The following CCDC12 variants were observed in gnomAD, a reference collection of about 807,000 sequenced individuals.
The protein encoded by CCDC12 is coiled-coil domain containing 12.
Under a neutral mutation model 25.7 loss-of-function variants are expected in CCDC12, and 28 were observed. The observed-to-expected ratio is 1.09, with a 90% CI of 0.81 to 1.50. The LOEUF is 1.50. CCDC12 is among the 40% of genes most tolerant of loss of function. CCDC12 has a pLI of 0.00. For synonymous variants in CCDC12, 75 were observed against 87.7 expected (o/e 0.86, Z 0.81); for missense variants, 198 against 210.0 (o/e 0.94, Z 0.35).
chr3:46,939,555 C>G lies in CCDC12; in HGVS notation c.164+1443G>C, dbSNP rs189960298. ...CATAAAGCCACATATGTTGGGGTCA[C>G]CTGGCAAAGGAGCAACTAACTGGCC... On this transcript the variant is annotated intron_variant, in intron 2 of 6. Coordinates refer to ENST00000683445, the MANE Select transcript of CCDC12 (RefSeq NM_001277074.2). 1.6e-4 allele frequency among the ~76,000 whole-genome samples: 25 copies of G among 152,292 alleles called. No homozygotes were observed. The East Asian group carries it at 3.3e-3, about 20-fold the overall frequency.
chr3:46,964,255 C>T (rs2034566378), intron 1 of CCDC12, among the ~76,000 whole-genome samples: 1 of 151,942 alleles, frequency 6.6e-6, no homozygotes, highest in South Asian at 2.1e-4. Context: ...AGCCCCTCCG[C>T]CCGGCAGCCA....
At chr3:46,949,619 T>C (rs1290348688) in intron 1 of CCDC12, among the ~76,000 whole-genome samples, 1 of 152,130 alleles carries the variant, frequency 6.6e-6, no homozygotes, top group Non-Finnish European at 1.5e-5. Context: ...TGAGGCTCTG[T>C]CTCCTCCCCT....
upstream of CCDC12, chr3:46,977,186 T>G: frequency 6.2e-6 from 1 of 162,394 alleles, no homozygotes; most frequent in Non-Finnish European, 1.4e-5. Context: ...TCAAGAAACC[T>G]TCCCTGGGCC....
At chr3:46,952,025 C>T (rs1015341688) in intron 1 of CCDC12, among the ~76,000 whole-genome samples, 2 of 151,208 alleles carry the variant, frequency 1.3e-5, no homozygotes, top group African/African-American at 4.9e-5. Context: ...CCACTTTTAG[C>T]ACAAAGGTGT....
intron 1 of CCDC12, among the ~76,000 whole-genome samples, chr3:46,953,655 A>AG (rs2034197705): frequency 6.6e-6 from 1 of 151,958 alleles, no homozygotes. Flanking sequence ...TTGGAAAAAA[A>AG]AAAAAAAAAA....
chr3:46,951,218 T>G (rs1279492827), intron 1 of CCDC12, among the ~76,000 whole-genome samples: 1 of 149,180 alleles, frequency 6.7e-6, no homozygotes, highest in Non-Finnish European at 1.5e-5. Flanking sequence ...GAGGCTGGAG[T>G]TGCAGGAGAG....
chr3:46,923,625 C>T lies in CCDC12; in HGVS notation c.288G>A (p.Glu96=). The change falls in exon 4 of 7, where the codon GAG becomes GAA. Residue 96 remains glutamate, a synonymous_variant. Transcript: ENST00000683445. ...VKEQLEAAKP[E]PVIEEVDLAN... ...CACTCACCACCTCCTCGATGACGGG[C>T]TCGGGCTTGGCGGCCTCCAGCTGCT... The T allele has an allele frequency of 6.3e-7, 1 of 1,594,350 alleles. No individual in the cohort carries two copies. Among genetic ancestry groups the T allele is most frequent in the Middle Eastern group, 1.7e-4 (1 of 5,940 alleles).
At chr3:46,931,523 T>C (rs546549416) in intron 2 of CCDC12, among the ~76,000 whole-genome samples, 102 of 152,360 alleles carry the variant, frequency 6.7e-4, no homozygotes, top group Non-Finnish European at 1.1e-3. Context: ...TCACTCATGC[T>C]ACCAGGCTTA....
intron 2 of CCDC12, among the ~76,000 whole-genome samples, chr3:46,931,083 G>T (rs899547650): frequency 6.6e-6 from 1 of 152,246 alleles, no homozygotes; most frequent in East Asian, 1.9e-4. Context: ...TGGAAGCAAA[G>T]AAGTTGTGCC....
At chr3:46,923,745 C>T in intron 3 of CCDC12, 77 bp from the exon 4 acceptor site, 5 of 1,260,432 alleles carry the variant, frequency 4.0e-6, no homozygotes, top group Non-Finnish European at 5.3e-6. Context: ...TACCGTGGCC[C>T]CCAGGGAGAG....
chr3:46,935,945 T>C (rs1362446325), intron 2 of CCDC12, among the ~76,000 whole-genome samples: 1 of 152,172 alleles, frequency 6.6e-6, no homozygotes, highest in African/African-American at 2.4e-5. Flanking sequence ...AAGCTAACTA[T>C]AAAATGCATA....
chr3:46,925,613 T>C (rs572070759), intron 2 of CCDC12, 78 bp from the exon 3 acceptor site: 13 of 1,205,936 alleles, frequency 1.1e-5, no homozygotes, highest in African/African-American at 6.0e-5. Flanking sequence ...ACAATTTGCA[T>C]AGCCCGTGAA....
intron 1 of CCDC12, among the ~76,000 whole-genome samples, chr3:46,962,434 CAAAAAAAAAA>C (rs33969115): frequency 4.7e-5 from 3 of 63,180 alleles, no homozygotes; most frequent in African/African-American, 1.3e-4. Flanking sequence ...AACTCTATCT[CAAAAAAAAAA>C]AAAAAAAAAA....
At chr3:46,975,037 C>T (rs2034922081) in intron 1 of CCDC12, among the ~76,000 whole-genome samples, 1 of 152,228 alleles carries the variant, frequency 6.6e-6, no homozygotes, top group East Asian at 1.9e-4. Context: ...ATTCTTCTTC[C>T]TCTCCATTAC....
intron 1 of CCDC12, among the ~76,000 whole-genome samples, chr3:46,975,841 A>ATT (rs11356624): frequency 1.7e-4 from 12 of 70,370 alleles, no homozygotes; most frequent in African/African-American, 5.4e-4. Context: ...TTTATTTTCG[A>ATT]TTTTTTTTTT....
At chr3:46,978,810 C>G (rs1176924361), upstream of CCDC12, among the ~76,000 whole-genome samples, 2 of 151,990 alleles carry the variant, frequency 1.3e-5, no homozygotes, top group South Asian at 2.1e-4. Context: ...GGTGGAACCC[C>G]GTCTCTACTA....
At chr3:46,967,969 G>A (rs1380436082) in intron 1 of CCDC12, among the ~76,000 whole-genome samples, 1 of 152,126 alleles carries the variant, frequency 6.6e-6, no homozygotes, top group East Asian at 1.9e-4. Context: ...CCAGAAAAAA[G>A]GACTGCAAAT....
At chr3:46,927,490 C>T (rs1250723429) in intron 2 of CCDC12, among the ~76,000 whole-genome samples, 4 of 152,188 alleles carry the variant, frequency 2.6e-5, no homozygotes, top group African/African-American at 7.2e-5. Context: ...AGCAGCAACA[C>T]GCACCCATGC....
chr3:46,968,766 G>T (rs1490321874), intron 1 of CCDC12, among the ~76,000 whole-genome samples: 2 of 152,164 alleles, frequency 1.3e-5, no homozygotes, highest in East Asian at 1.9e-4. Context: ...AAGCACCTGG[G>T]GGTGAGAGGT....
Sources: allele counts gnomAD v4.1 joint callset (sites outside exome capture counted in the v4.1 genomes callset), GRCh38; gene constraint gnomAD v4.1.1; transcripts MANE v1.5; gene names NCBI Gene and HGNC (gene_info 2026-07-23, HGNC 2026-07-21).